Variants in IFT172 observed in about 807,000 individuals in gnomAD.
IFT172 encodes intraflagellar transport protein 172 homolog.
IFT172 carries 164 observed loss-of-function variants against 248.9 expected under a neutral mutation model. The observed-to-expected ratio is 0.66, with a 90% CI of 0.58 to 0.75. IFT172 has a LOEUF of 0.75. Among genes scored for constraint, IFT172 ranks in the 30% least tolerant of loss-of-function variants. IFT172 has a pLI of 0.00. For synonymous variants in IFT172, 729 were observed against 791.6 expected (o/e 0.92, Z 1.33); for missense variants, 1,950 against 2,192.4 (o/e 0.89, Z 2.21).
Position 27,454,010 on chromosome 2 carries a change from C to G in IFT172, c.3683G>C (p.Arg1228Thr). ...KAEGLLLRAQ[R>T]PGLALNYYKE... ...ATAATAATTGAGGGCCAGGCCTGGT[C>G]TCTGGGCCCGGAGCAGCAGCCCTTC... is the stretch of plus-strand genomic sequence containing the variant. The change falls in exon 33 of 48, where the codon AGA (arginine) becomes ACA (threonine). Residue 1228 changes from arginine to threonine, a missense_variant. Transcript: ENST00000260570. This position sits in a 1 kb window ranked among gnomAD's most constrained non-coding sequence, Gnocchi z 4.2. 1.2e-6 allele frequency: 2 copies of G among 1,613,700 alleles called. No homozygotes were observed. Among genetic ancestry groups the G allele is most frequent in the Non-Finnish European group, 1.7e-6 (2 of 1,179,934 alleles).
At position 27,454,233 on chromosome 2, in the gene IFT172, C is replaced by T; in HGVS notation, c.3531-71G>A. 1 of 1,597,692 alleles carries T rather than the reference C, an allele frequency of 6.3e-7. No homozygotes were observed. Among genetic ancestry groups the T allele is most frequent in the Non-Finnish European group, 8.6e-7 (1 of 1,166,548 alleles). The stretch of plus-strand genomic sequence containing the variant: ...GCCCCAATAGTGGGAGACAAACAGC[C>T]ATGTCACTGAGGGGTGTAACACTGA... On this transcript the variant is annotated intron_variant, in intron 32 of 47. Coordinates refer to ENST00000260570, the MANE Select transcript of IFT172 (RefSeq NM_015662.3). This position sits in a 1 kb window ranked among gnomAD's most constrained non-coding sequence, Gnocchi z 4.2.
intron 14 of IFT172, 145 bp from the exon 15 acceptor site, chr2:27,472,507 AAAAGGTCCAGACCCACAG>A (rs1466029939): frequency 1.6e-6 from 1 of 640,750 alleles, no homozygotes; most frequent in Non-Finnish European, 2.7e-6. Flanking sequence ...TTGTTAACTC[AAAAGGTCCAGACCCACAG>A]AAATGTCATC....
chr2:27,458,209 G>C lies in IFT172; in HGVS notation c.2892C>G (p.Cys964Trp). The C allele has an allele frequency of 6.2e-7, 1 of 1,614,116 alleles. No individual in the cohort carries two copies. The highest frequency in any genetic ancestry group is 1.3e-5 in the African/African-American group (1 of 75,034). The change falls in exon 27 of 48, where the codon TGC becomes TGG. Residue 964 changes from cysteine (C) to tryptophan (W), a missense_variant. By Grantham distance (215) the Cys-to-Trp change is radical (BLOSUM62 -2). This residue lies in a region of IFT172 where 1,166 missense variants were observed against 1,254.1 expected (regional missense o/e 0.93). Coordinates refer to ENST00000260570, the MANE Select transcript of IFT172 (RefSeq NM_015662.3). ...WEQAHKLAMKCMRPEDVSVLY... is the reference protein window; with the variant it reads ...WEQAHKLAMKWMRPEDVSVLY... ...GCACTGACACATCTTCTGGTCTCATGCATTTCATCGCCAGCTGTGGAGGCA... is the reference window on the plus strand; with the variant it reads ...GCACTGACACATCTTCTGGTCTCATCCATTTCATCGCCAGCTGTGGAGGCA...
chr2:27,447,569 C>T lies in IFT172; in HGVS notation c.4605G>A (p.Leu1535=). The T allele has an allele frequency of 6.2e-7, 1 of 1,614,142 alleles. No homozygotes were observed. Among genetic ancestry groups the T allele is most frequent in the East Asian group, 2.2e-5 (1 of 44,886 alleles). ...GCGTGGCATAGTAATGAGCGATCAG[C>T]AGCATCGTCTTGAACTCCTCATGGG... ...SPAHEEFKTM[L]LIAHYYATRS... The change falls in exon 42 of 48, where the codon CTG becomes CTA. Residue 1535 remains leucine, a synonymous_variant. Coordinates refer to ENST00000260570, the MANE Select transcript of IFT172 (RefSeq NM_015662.3).
In IFT172 at chr2:27,452,241, G is replaced by C. The variant is rs551325633; in HGVS notation, c.3951+1143C>G. Among the ~76,000 whole-genome samples, 46 of 152,252 alleles carry C rather than the reference G, an allele frequency of 3.0e-4. No homozygotes were observed. The South Asian group carries it at 8.3e-3, about 27-fold the overall frequency. On this transcript the variant is annotated intron_variant, in intron 35 of 47. Transcript: ENST00000260570. Reference sequence around the variant, plus strand: ...AAGTTAGAGAGAATTCTTCCTGTTTGACTGCCTTTAAACTGGGACACTGGC... The same window carrying C: ...AAGTTAGAGAGAATTCTTCCTGTTTCACTGCCTTTAAACTGGGACACTGGC...
In IFT172 at chr2:27,458,747, G is replaced by C. The variant is rs1332507970; in HGVS notation, c.2877+32C>G. On this transcript the variant is annotated intron_variant, in intron 26 of 47. Coordinates refer to ENST00000260570, the MANE Select transcript of IFT172 (RefSeq NM_015662.3). ...GAGGCCACAATGCCACTAAGGCAGA[G>C]TTCTCTTATCATGAACTCCACCCAT... 4 of 1,610,450 alleles carry C rather than the reference G, an allele frequency of 2.5e-6. No homozygotes were observed. The Admixed American group carries it at 6.7e-5, about 27-fold the overall frequency.
At chr2:27,450,601 A>AT (rs1287413994) in intron 35 of IFT172, among the ~76,000 whole-genome samples, 1 of 152,078 alleles carries the variant, frequency 6.6e-6, no homozygotes, top group Non-Finnish European at 1.5e-5. Flanking sequence ...ATTTTATTTA[A>AT]TTTTTTTAAG....
intron 16 of IFT172, among the ~76,000 whole-genome samples, chr2:27,470,272 A>G (rs1334648168): frequency 1.7e-5 from 1 of 60,094 alleles, no homozygotes; most frequent in African/African-American, 5.9e-5. Context: ...GAGAGAGAGA[A>G]AAAAAAAAGA....
At chr2:27,456,478 T>TG (rs763811869) in intron 30 of IFT172, 33 bp downstream of exon 30, 1 of 1,596,900 alleles carries the variant, frequency 6.3e-7, no homozygotes, top group East Asian at 2.2e-5. Flanking sequence ...CTGGCTGGGA[T>TG]GGGGCCCGTG....
chr2:27,461,238 G>A (rs1232148073), intron 22 of IFT172, 31 bp downstream of exon 22: 1 of 1,613,124 alleles, frequency 6.2e-7, no homozygotes, highest in South Asian at 1.1e-5. Context: ...GAGCTCTGGA[G>A]ATAAGGGCTA....
intron 10 of IFT172, 128 bp downstream of exon 10, chr2:27,479,381 C>T: frequency 1.5e-6 from 1 of 665,584 alleles, no homozygotes; most frequent in Non-Finnish European, 2.8e-6. Flanking sequence ...ATTCTGTTGC[C>T]CAGAACAGCT....
At chr2:27,471,552 A>C (rs114923546) in intron 15 of IFT172, 3 of 167,646 alleles carry the variant, frequency 1.8e-5, no homozygotes, top group Admixed American at 6.3e-5. Flanking sequence ...CAGCCAGTTC[A>C]TGCTATCAGA....
At chr2:27,461,688 T>C (rs924165262) in intron 21 of IFT172, 71 bp downstream of exon 21, 28 of 1,599,394 alleles carry the variant, frequency 1.8e-5, no homozygotes, top group Non-Finnish European at 2.4e-5. Context: ...TATGGCCTCC[T>C]TGACAAAAGG....
chr2:27,467,977 G>T (rs950831542), intron 16 of IFT172, among the ~76,000 whole-genome samples: 11 of 151,998 alleles, frequency 7.2e-5, no homozygotes, highest in African/African-American at 2.7e-4. Context: ...TGGCCAACAC[G>T]GTGAAACTCC....
In IFT172 at chr2:27,485,592, G is replaced by C. The variant is rs79587828; in HGVS notation, c.40-89C>G. On this transcript the variant is annotated intron_variant, in intron 1 of 47. Transcript: ENST00000260570. ...GCTTCATTAATTCTAGTGTAATACT[G>C]GTCAATTTTCTTCCTGTCACGGTTC... 3,919 of 1,461,072 alleles carry C rather than the reference G, an allele frequency of 2.7e-3. 15 individuals are homozygous for C. The highest frequency in any genetic ancestry group is 3.4e-3 in the Non-Finnish European group (3,603 of 1,067,116). 90.5% of individuals were successfully genotyped at this position (1,461,072 alleles called of 1,614,324 possible).
intron 14 of IFT172, among the ~76,000 whole-genome samples, chr2:27,475,069 T>C (rs1572807120): frequency 6.9e-6 from 1 of 144,112 alleles, no homozygotes; most frequent in South Asian, 2.2e-4. Flanking sequence ...GGGTAAGAGA[T>C]AGGAACTAGC....
At chr2:27,471,857 G>A (rs1286635315) in intron 15 of IFT172, 1 of 274,478 alleles carries the variant, frequency 3.6e-6, no homozygotes, top group Non-Finnish European at 6.8e-6. Flanking sequence ...GGCCAACATG[G>A]TGAAAACCCA....
intron 26 of IFT172, 32 bp from the exon 27 acceptor site, chr2:27,458,255 A>G (rs767178192): frequency 6.3e-7 from 1 of 1,577,386 alleles, no homozygotes; most frequent in Admixed American, 1.7e-5. Flanking sequence ...GCAGCCTCAG[A>G]TCCAATTCCC....
In IFT172 at chr2:27,472,323, T is replaced by C. The variant is rs1667633367; in HGVS notation, c.1451A>G (p.His484Arg). 1 of 1,614,170 alleles carries C rather than the reference T, an allele frequency of 6.2e-7. No homozygotes were observed. The highest frequency in any genetic ancestry group is 2.2e-5 in the East Asian group (1 of 44,884). The change falls in exon 15 of 48, where the codon CAT becomes CGT. Residue 484 changes from histidine to arginine, a missense_variant. Physicochemically the swap from His to Arg is conservative, Grantham distance 29 (BLOSUM62 0). Coordinates refer to ENST00000260570, the MANE Select transcript of IFT172 (RefSeq NM_015662.3). ...IGGYNIGTVS[H>R]ESRVDWLELN... is the part of the protein sequence containing the mutation. Reference sequence around the variant, plus strand: ...TTCCAGCCAATCCACACGGCTCTCATGGCTGACGGTGCCAATGTTGTAGCC... The same window carrying C: ...TTCCAGCCAATCCACACGGCTCTCACGGCTGACGGTGCCAATGTTGTAGCC...
Sources: allele counts gnomAD v4.1 joint callset (sites outside exome capture counted in the v4.1 genomes callset), GRCh38; gene constraint gnomAD v4.1.1; regional missense constraint gnomAD v4.1.1; non-coding constraint Gnocchi (gnomAD v3.1); transcripts MANE v1.5; gene names NCBI Gene and HGNC (gene_info 2026-07-23, HGNC 2026-07-21).